Variants in TNRC6B observed in about 807,000 individuals in gnomAD.
The protein encoded by TNRC6B is trinucleotide repeat-containing gene 6B protein.
Under a neutral mutation model 203.6 loss-of-function variants are expected in TNRC6B, and 52 were observed. The ratio of observed to expected loss-of-function variants is 0.26; its 90% CI spans 0.20 to 0.32. The LOEUF is 0.32. Among genes scored for constraint, TNRC6B ranks in the 10% least tolerant of loss-of-function variants. TNRC6B has a pLI of 1.00. For missense variants in TNRC6B, 1,923 were observed against 2,286.2 expected, an observed-to-expected ratio of 0.84 and a Z score of 3.24; for synonymous variants, 838 against 845.7, an observed-to-expected ratio of 0.99 and a Z score of 0.16.
chr22:40,059,721 A>G (rs1385542816), intron 1 of TNRC6B, among the ~76,000 whole-genome samples: 1 of 151,448 alleles, frequency 6.6e-6, no homozygotes, highest in Admixed American at 6.6e-5. Context: ...TTTCTTTTTT[A>G]GTCTGTTAAC....
intron 3 of TNRC6B, among the ~76,000 whole-genome samples, chr22:40,131,977 A>G (rs2068548987): frequency 6.6e-6 from 1 of 152,236 alleles, no homozygotes; most frequent in South Asian, 2.1e-4. Context: ...TATGTGAGAG[A>G]TAAAATTGAA....
rs1406116445 is a variant in TNRC6B at position 40,325,246 on chromosome 22, A to G, written c.*2005A>G. On this transcript the variant is annotated 3_prime_UTR_variant, in exon 23 of 23. Transcript: ENST00000454349. ...TTTAGCGTCTTCAGTGAAGGATACA[A>G]TACAACAATGCCTAATGTATTTGAC... The G allele has an allele frequency of 6.6e-6, 1 of 152,658 alleles. No homozygotes were observed. Among genetic ancestry groups the G allele is most frequent in the African/African-American group, 2.4e-5 (1 of 41,458 alleles). The allele number at this position is 152,658 out of a possible 1,614,324, so 9.5% of individuals were successfully genotyped here. A position where few individuals can be genotyped will look rare whatever the true frequency, so the allele number is the denominator to read the frequency against.
chr22:40,060,011 A>T (rs186565358), intron 1 of TNRC6B, among the ~76,000 whole-genome samples: 2 of 151,406 alleles, frequency 1.3e-5, no homozygotes, highest in African/African-American at 4.8e-5. Flanking sequence ...TTTAGTAGAG[A>T]TGGGACGGGG....
chr22:40,249,595 C>T (rs1022833471), intron 2 of TNRC6B, among the ~76,000 whole-genome samples: 3 of 152,172 alleles, frequency 2.0e-5, no homozygotes, highest in Non-Finnish European at 4.4e-5. Context: ...TAACAGAACC[C>T]ACATGATAAA....
chr22:40,079,154 C>G (rs886343681), intron 1 of TNRC6B, among the ~76,000 whole-genome samples: 1 of 152,084 alleles, frequency 6.6e-6, no homozygotes, highest in South Asian at 2.1e-4. Context: ...CTCAAATGAT[C>G]TGCCTGCATT....
chr22:40,044,963 G>C (rs1425341208), exon 1 of TNRC6B: 4 of 152,034 alleles, frequency 2.6e-5, no homozygotes, highest in African/African-American at 9.7e-5. Flanking sequence ...GCCTCACAGC[G>C]AAACGCCGCG....
intron 4 of TNRC6B, among the ~76,000 whole-genome samples, chr22:40,167,616 C>T (rs545137274): frequency 4.8e-5 from 7 of 146,882 alleles, no homozygotes; most frequent in East Asian, 2.0e-4. Flanking sequence ...GACCAGGTGC[C>T]GTGGCTCAAT....
At chr22:40,142,619 A>C (rs2068654498) in intron 3 of TNRC6B, among the ~76,000 whole-genome samples, 1 of 152,202 alleles carries the variant, frequency 6.6e-6, no homozygotes, top group African/African-American at 2.4e-5. Flanking sequence ...CTTTGACTAG[A>C]GTTTAATCAC....
chr22:40,195,394 C>T (rs553828952), intron 1 of TNRC6B, among the ~76,000 whole-genome samples: 49 of 152,348 alleles, frequency 3.2e-4, no homozygotes, highest in Non-Finnish European at 4.7e-4. Flanking sequence ...AATGTCTAAC[C>T]TGCTGGGACC....
At chr22:40,120,944 G>T (rs2068438678) in intron 2 of TNRC6B, among the ~76,000 whole-genome samples, 1 of 152,138 alleles carries the variant, frequency 6.6e-6, no homozygotes, top group Non-Finnish European at 1.5e-5. Context: ...GTGTCCCCAA[G>T]GGAAAAGGGA....
intron 3 of TNRC6B, among the ~76,000 whole-genome samples, chr22:40,143,154 G>A (rs1377972501): frequency 6.6e-6 from 1 of 152,188 alleles, no homozygotes; most frequent in East Asian, 1.9e-4. Flanking sequence ...AAAAGGCTGG[G>A]CACAGTGGCT....
At chr22:40,214,792 G>T (rs557080139) in intron 1 of TNRC6B, among the ~76,000 whole-genome samples, 1 of 152,048 alleles carries the variant, frequency 6.6e-6, no homozygotes, top group South Asian at 2.1e-4. Context: ...GGCCTCAAGC[G>T]ATCCTCCCAC....
chr22:40,061,600 T>G (rs928145260), intron 1 of TNRC6B, among the ~76,000 whole-genome samples: 1 of 146,200 alleles, frequency 6.8e-6, no homozygotes, highest in African/African-American at 2.7e-5. Context: ...TACTTGCTCA[T>G]ATATTATTTA....
At chr22:40,316,631 AAG>A (rs996705180) in intron 21 of TNRC6B, among the ~76,000 whole-genome samples, 1 of 152,124 alleles carries the variant, frequency 6.6e-6, no homozygotes, top group African/African-American at 2.4e-5. Flanking sequence ...CTTTCTCAAA[AAG>A]GAGAGAGAGG....
chr22:40,161,497 C>A (rs928878807), intron 4 of TNRC6B, among the ~76,000 whole-genome samples: 3 of 152,102 alleles, frequency 2.0e-5, no homozygotes, highest in African/African-American at 7.2e-5. Context: ...ACGTTTTGAC[C>A]ATAGGTTCCC....
intron 1 of TNRC6B, among the ~76,000 whole-genome samples, chr22:40,203,084 C>T (rs1418042040): frequency 6.6e-6 from 1 of 152,092 alleles, no homozygotes; most frequent in African/African-American, 2.4e-5. Context: ...AAAATGCTGG[C>T]CACTGATCAT....
At chr22:40,209,600 A>C (rs1190310451) in intron 1 of TNRC6B, among the ~76,000 whole-genome samples, 1 of 152,150 alleles carries the variant, frequency 6.6e-6, no homozygotes, top group Non-Finnish European at 1.5e-5. Flanking sequence ...TAAGAAGCAT[A>C]CCCCCAGTGA....
chr22:40,232,471 G>A (rs1033374031), intron 1 of TNRC6B, among the ~76,000 whole-genome samples: 2 of 152,154 alleles, frequency 1.3e-5, no homozygotes, highest in East Asian at 1.9e-4. Context: ...CCAGGGAGTC[G>A]AAGCTATCAG....
intron 4 of TNRC6B, among the ~76,000 whole-genome samples, chr22:40,158,165 C>G (rs1341568592): frequency 6.6e-6 from 1 of 151,946 alleles, no homozygotes; most frequent in South Asian, 2.1e-4. Context: ...TGGTGAAACC[C>G]TGTCTCTAGT....
Sources: gnomAD v4.1 joint callset for allele counts (sites outside exome capture counted in the v4.1 genomes callset) on GRCh38, gnomAD v4.1.1 for gene constraint, MANE v1.5 for transcripts, NCBI Gene and HGNC (gene_info 2026-07-23, HGNC 2026-07-21) for gene names.